TLN1: variants seen among roughly 807,000 people sequenced by gnomAD.
The protein encoded by TLN1 is talin 1.
Under a neutral mutation model 292.3 loss-of-function variants are expected in TLN1, and 56 were observed. The observed-to-expected ratio is 0.19, with a 90% CI of 0.15 to 0.24. The LOEUF is 0.24. TLN1 is among the 10% of genes least tolerant of loss of function. TLN1 has a pLI of 1.00. For synonymous variants in TLN1, 1,119 were observed against 1,253.7 expected (o/e 0.89, Z 2.27); for missense variants, 2,433 against 3,248.2 (o/e 0.75, Z 6.10).
intron 8 of TLN1, 55 bp from the exon 9 acceptor site, chr9:35,722,278 A>G (rs1233351221): frequency 1.4e-6 from 2 of 1,481,308 alleles, no homozygotes; most frequent in East Asian, 2.3e-5. Context: ...CAGCTAAGGA[A>G]TTAAGGTTGG....
chr9:35,708,191 A>G (rs560303841), intron 34 of TLN1, 150 bp downstream of exon 34: 7 of 1,004,600 alleles, frequency 7.0e-6, no homozygotes, highest in African/African-American at 1.6e-5. Flanking sequence ...GACCCATGGC[A>G]GAAAAAGACA....
intron 7 of TLN1, chr9:35,723,468 A>T (rs1178812422): frequency 3.3e-5 from 6 of 184,542 alleles, no homozygotes; most frequent in Non-Finnish European, 6.8e-5. Flanking sequence ...AAATTAAGTT[A>T]GAGGCTCAGT....
At chr9:35,708,257 C>T in intron 34 of TLN1, 84 bp downstream of exon 34, 1 of 1,469,136 alleles carries the variant, frequency 6.8e-7, no homozygotes, top group Non-Finnish European at 9.1e-7. Context: ...TGCCCTCTTT[C>T]CCACATGCCT....
Position 35,698,225 on chromosome 9 carries a change from A to G in TLN1, c.7372-53T>C. 6.2e-7 allele frequency: 1 copy of G among 1,610,814 alleles called. No individual in the cohort carries two copies. The highest frequency in any genetic ancestry group is 1.1e-5 in the South Asian group (1 of 90,968). The stretch of plus-strand genomic sequence containing the variant: ...GAGAACTCAGGTACGGTCCCAGTTG[A>G]GACAGTACCTCAATTCTCTCATAGA... On this transcript the variant is annotated intron_variant, in intron 55 of 56. Transcript: ENST00000314888. This position sits in a 1 kb window ranked among gnomAD's most constrained non-coding sequence, Gnocchi z 5.3.
In TLN1 at chr9:35,717,528, G is replaced by T; in HGVS notation, c.2164-88C>A. 1 of 1,574,470 alleles carries T rather than the reference G, an allele frequency of 6.4e-7. No homozygotes were observed. The highest frequency in any genetic ancestry group is 8.7e-7 in the Non-Finnish European group (1 of 1,154,868). ...AGCAGTAACTGGGATGGGTGAGGAG[G>T]CCTCCAGAGCCAAAGAAATAAAATG... On this transcript the variant is annotated intron_variant, in intron 18 of 56. Coordinates refer to ENST00000314888, the MANE Select transcript of TLN1 (RefSeq NM_006289.4). The surrounding 1 kb of genome is among the most constrained non-coding windows in gnomAD (Gnocchi z 4.7).
At position 35,719,833 on chromosome 9, in the gene TLN1, G is replaced by A; in HGVS notation, c.1485C>T (p.Leu495=). The change falls in exon 14 of 57, where the codon CTC becomes CTT. Residue 495 remains leucine, a synonymous_variant. Coordinates refer to ENST00000314888, the MANE Select transcript of TLN1 (RefSeq NM_006289.4). The surrounding 1 kb of genome is among the most constrained non-coding windows in gnomAD (Gnocchi z 4.6). ...GCATGCTGGAGTTAATGGTTCCAGT[G>A]AGTGCCTGCTGGGCTGAAGTCTAAA... The part of the protein sequence containing the change: ...MPPLTSAQQA[L]TGTINSSMQA... 1.3e-6 allele frequency: 2 copies of A among 1,591,052 alleles called. No individual in the cohort carries two copies. The highest frequency in any genetic ancestry group is 1.1e-5 in the South Asian group (1 of 87,994).
In TLN1 at chr9:35,717,502, T is replaced by C; in HGVS notation, c.2164-62A>G. The C allele has an allele frequency of 1.9e-6, 3 of 1,582,404 alleles. No individual in the cohort carries two copies. The highest frequency in any genetic ancestry group is 2.6e-6 in the Non-Finnish European group (3 of 1,159,464). ...GAAAGGAGGTAGAGTATGCTGCTCA[T>C]AGCAGTAACTGGGATGGGTGAGGAG... On this transcript the variant is annotated intron_variant, in intron 18 of 56. Transcript: ENST00000314888. The surrounding 1 kb of genome is among the most constrained non-coding windows in gnomAD (Gnocchi z 4.7).
intron 1 of TLN1, among the ~76,000 whole-genome samples, chr9:35,729,957 G>GGGTGTAGAAAAAGGATCAGAAGACAT (rs1826042950): frequency 6.6e-6 from 1 of 151,406 alleles, no homozygotes; most frequent in Admixed American, 6.6e-5. Context: ...GGGGAAGACA[G>GGGTGTAGAAAAAGGATCAGAAGACAT]GGTGTAGAAA....
At chr9:35,701,716 T>C (rs532535526) in intron 48 of TLN1, among the ~76,000 whole-genome samples, 14 of 152,162 alleles carry the variant, frequency 9.2e-5, no homozygotes, top group African/African-American at 3.4e-4. Context: ...AGTGTGGTAG[T>C]GGTAGGAGAT....
chr9:35,721,839 A>G, intron 9 of TLN1, 36 bp from the exon 10 acceptor site: 1 of 1,600,042 alleles, frequency 6.2e-7, no homozygotes. Context: ...GTTACAGGTC[A>G]GAGGTCAAAT....
chr9:35,700,149 T>C, intron 49 of TLN1, 42 bp downstream of exon 49: 2 of 1,593,584 alleles, frequency 1.3e-6, no homozygotes, highest in Non-Finnish European at 1.7e-6. Flanking sequence ...CACTATGTTC[T>C]GGCCCAAAGC....
At position 35,699,625 on chromosome 9, in the gene TLN1, C is replaced by G; in HGVS notation, c.6769-164G>C. 8.1e-6 allele frequency: 8 copies of G among 985,376 alleles called. No individual in the cohort carries two copies. Among genetic ancestry groups the G allele is most frequent in the Non-Finnish European group, 9.6e-6 (8 of 829,900 alleles). The allele number at this position is 985,376 out of a possible 1,614,324, so 61.0% of individuals were successfully genotyped here. A position where few individuals can be genotyped will look rare whatever the true frequency, so the allele number is the denominator to read the frequency against. ...ATCCAAGTACACATCATGCATCACA[C>G]CTCACACGTGATAGAGACAGTGGGG... On this transcript the variant is annotated intron_variant, in intron 50 of 56. Transcript: ENST00000314888. The surrounding 1 kb of genome is among the most constrained non-coding windows in gnomAD (Gnocchi z 4.0).
rs1161927620 is a variant in TLN1 at position 35,703,524 on chromosome 9, T to C, written c.6474+36A>G. ...CACAGGCTTTCAGGATCCCTCTCTC[T>C]GACCCTAGTCACTGATGCCCCAGAC... On this transcript the variant is annotated intron_variant, in intron 48 of 56. Coordinates refer to ENST00000314888, the MANE Select transcript of TLN1 (RefSeq NM_006289.4). 5.7e-6 allele frequency: 9 copies of C among 1,581,818 alleles called. No homozygotes were observed. The African/African-American group carries it at 1.2e-4, about 21-fold the overall frequency.
In TLN1 at chr9:35,706,289, C is replaced by T. The variant is rs143079807; in HGVS notation, c.5268G>A (p.Pro1756=). ...TCTGGTCCAGGAGTGCCATCTGCTGCGGGTGGCTCAGGGTCTTGGAGGCAG... is the reference window on the plus strand; with the variant it reads ...TCTGGTCCAGGAGTGCCATCTGCTGTGGGTGGCTCAGGGTCTTGGAGGCAG... ...VGAASKTLSH[P]QQMALLDQTK... is the part of the protein sequence containing the mutation. Residue 1756 remains proline, a synonymous_variant, in exon 40 of 57, where the codon CCG becomes CCA. Coordinates refer to ENST00000314888, the MANE Select transcript of TLN1 (RefSeq NM_006289.4). This position sits in a 1 kb window ranked among gnomAD's most constrained non-coding sequence, Gnocchi z 4.2. The T allele has an allele frequency of 5.8e-5, 94 of 1,613,852 alleles. 2 individuals carry two copies. In the African/African-American group the frequency reaches 9.3e-4, roughly 16 times the overall value.
Position 35,705,837 on chromosome 9 carries a change from T to C in TLN1, c.5526A>G (p.Pro1842=). ...TQAINQLDEG[P]MGEPEGSFVD... is the part of the protein sequence containing the mutation. ...CGAAGGAACCTTCTGGTTCACCCAT[T>C]GGTCCTTCATCTAGCTGAGGGGGGA... The change falls in exon 42 of 57, where the codon CCA becomes CCG. Residue 1842 remains proline, a synonymous_variant. Transcript: ENST00000314888. 1 of 1,614,222 alleles carries C rather than the reference T, an allele frequency of 6.2e-7. No homozygotes were observed. Among genetic ancestry groups the C allele is most frequent in the Non-Finnish European group, 8.5e-7 (1 of 1,180,038 alleles).
At chr9:35,700,109 A>G in intron 49 of TLN1, 28 bp from the exon 50 acceptor site, 1 of 1,600,084 alleles carries the variant, frequency 6.2e-7, no homozygotes, top group Non-Finnish European at 8.6e-7. Flanking sequence ...TGTTAGCTTT[A>G]GGCCCCGCAG....
At chr9:35,725,481 A>AG (rs1825960473) in intron 2 of TLN1, 84 bp downstream of exon 2, 1 of 1,573,804 alleles carries the variant, frequency 6.4e-7, no homozygotes, top group Admixed American at 1.7e-5. Flanking sequence ...TAGGGGACAA[A>AG]GGGGTCAACT....
intron 8 of TLN1, 152 bp from the exon 9 acceptor site, chr9:35,722,375 G>A: frequency 1.5e-6 from 1 of 688,634 alleles, no homozygotes; most frequent in Non-Finnish European, 2.6e-6. Flanking sequence ...ACGGGATGGA[G>A]GCTGATAAGG....
rs756026692 is a variant in TLN1, at chr9:35,714,882, A to C, written c.2755-6T>G. The C allele has an allele frequency of 1.3e-6, 2 of 1,578,738 alleles. No individual in the cohort carries two copies. The highest frequency in any genetic ancestry group is 2.4e-5 in the South Asian group (2 of 84,838). ...GCAGCCTGCTTGGCTGCATGCTGTG[A>C]AGACAAGAGTAGTCAGACCAAGCCC... On this transcript the variant is annotated splice_region_variant and splice_polypyrimidine_tract_variant and intron_variant, in intron 21 of 56. Coordinates refer to ENST00000314888, the MANE Select transcript of TLN1 (RefSeq NM_006289.4). This position sits in a 1 kb window ranked among gnomAD's most constrained non-coding sequence, Gnocchi z 4.6.
Sources: gnomAD v4.1 joint callset for allele counts (sites outside exome capture counted in the v4.1 genomes callset) on GRCh38, gnomAD v4.1.1 for gene constraint, Gnocchi (gnomAD v3.1) non-coding constraint, MANE v1.5 for transcripts, NCBI Gene and HGNC (gene_info 2026-07-23, HGNC 2026-07-21) for gene names.